The following CACNA2D3 variants were observed in gnomAD, a reference collection of about 807,000 sequenced individuals.
The protein encoded by CACNA2D3 is calcium voltage-gated channel auxiliary subunit alpha2delta 3.
In CACNA2D3, 60 loss-of-function variants were observed where a neutral mutation model predicts 160.6. That is an observed-to-expected ratio of 0.37 (90% CI 0.30 to 0.46). The LOEUF (loss-of-function observed/expected upper bound fraction) is 0.46. Among genes scored for constraint, CACNA2D3 ranks in the 20% least tolerant of loss-of-function variants. The pLI, the probability that CACNA2D3 is intolerant of heterozygous loss-of-function variation, is 1.00. For missense variants in CACNA2D3, 1,205 were observed against 1,365.0 expected (o/e 0.88, Z 1.85); for synonymous variants, 558 against 492.9 (o/e 1.13, Z -1.75).
intron 27 of CACNA2D3, chr3:54,918,544 G>A (rs1483439131): frequency 6.2e-7 from 1 of 1,613,792 alleles, no homozygotes; most frequent in African/African-American, 1.3e-5. Context: ...ATGGTACTGG[G>A]CTGTGATTGC....
chr3:54,935,864 C>T (rs566813487), intron 27 of CACNA2D3, among the ~76,000 whole-genome samples: 9 of 152,252 alleles, frequency 5.9e-5, no homozygotes, highest in African/African-American at 1.2e-4. Flanking sequence ...TGAAAATGCT[C>T]TGGAAAACAG....
chr3:54,332,498 C>T (rs1398118123), intron 3 of CACNA2D3, among the ~76,000 whole-genome samples: 1 of 152,170 alleles, frequency 6.6e-6, no homozygotes, highest in African/African-American at 2.4e-5. Context: ...TGTGTATTTA[C>T]TTATATGCCA....
intron 9 of CACNA2D3, among the ~76,000 whole-genome samples, chr3:54,600,724 C>T (rs954875734): frequency 2.6e-5 from 4 of 152,072 alleles, no homozygotes; most frequent in African/African-American, 9.7e-5. Context: ...GGCTTTTCTT[C>T]CTCCCCAGTT....
At chr3:54,753,594 T>G (rs1559569818) in intron 12 of CACNA2D3, among the ~76,000 whole-genome samples, 1 of 152,202 alleles carries the variant, frequency 6.6e-6, no homozygotes, top group African/African-American at 2.4e-5. Flanking sequence ...CAAATAAACT[T>G]TTATGTTAAG....
At chr3:54,352,823 C>G (rs986805808) in intron 3 of CACNA2D3, among the ~76,000 whole-genome samples, 3 of 152,154 alleles carry the variant, frequency 2.0e-5, no homozygotes, top group Non-Finnish European at 1.5e-5. Flanking sequence ...TTGATAAGTT[C>G]TGACCAATAA....
chr3:54,570,227 T>C (rs1360746897), intron 8 of CACNA2D3, 123 bp downstream of exon 8: 1 of 1,014,476 alleles, frequency 9.9e-7, no homozygotes, highest in Non-Finnish European at 1.5e-6. Flanking sequence ...GAGGCCTGGT[T>C]AGTCTCATGA....
chr3:54,498,540 T>A (rs1364474586), intron 4 of CACNA2D3, among the ~76,000 whole-genome samples: 2 of 152,144 alleles, frequency 1.3e-5, no homozygotes, highest in East Asian at 3.9e-4. Flanking sequence ...TTGGTATTAT[T>A]GATTTTTTCC....
intron 4 of CACNA2D3, among the ~76,000 whole-genome samples, chr3:54,429,781 G>A (rs1413763326): frequency 1.3e-5 from 2 of 152,136 alleles, no homozygotes; most frequent in African/African-American, 4.8e-5. Flanking sequence ...TGTTGGAATA[G>A]CATTCACTTG....
At chr3:55,011,729 T>G (rs1463257867) in intron 34 of CACNA2D3, among the ~76,000 whole-genome samples, 2 of 151,990 alleles carry the variant, frequency 1.3e-5, no homozygotes, top group African/African-American at 4.8e-5. Flanking sequence ...CACCAACATA[T>G]GAGTTAGGAA....
intron 27 of CACNA2D3, among the ~76,000 whole-genome samples, chr3:54,941,495 A>G (rs1287540370): frequency 6.6e-6 from 1 of 152,076 alleles, no homozygotes; most frequent in East Asian, 1.9e-4. Flanking sequence ...CCCTCCATTC[A>G]TTGTTCATCG....
intron 2 of CACNA2D3, among the ~76,000 whole-genome samples, chr3:54,135,698 G>T (rs1383840434): frequency 6.6e-6 from 1 of 152,210 alleles, no homozygotes; most frequent in Non-Finnish European, 1.5e-5. Flanking sequence ...TGTGCCCTGA[G>T]TGAGCAGGAT....
chr3:54,644,744 G>A (rs910235155), intron 11 of CACNA2D3, among the ~76,000 whole-genome samples: 9 of 152,230 alleles, frequency 5.9e-5, no homozygotes, highest in Non-Finnish European at 1.3e-4. Flanking sequence ...AACTTCTGAT[G>A]CAGTAGATCT....
At chr3:55,058,698 G>A (rs1185024080) in intron 35 of CACNA2D3, among the ~76,000 whole-genome samples, 1 of 151,816 alleles carries the variant, frequency 6.6e-6, no homozygotes, top group Non-Finnish European at 1.5e-5. Context: ...CCTATTCATT[G>A]CAGAAAATTG....
chr3:54,581,698 G>A (rs1359799376), intron 8 of CACNA2D3, 105 bp from the exon 9 acceptor site: 3 of 841,100 alleles, frequency 3.6e-6, no homozygotes, highest in Non-Finnish European at 5.9e-6. Context: ...AATGGAGCCT[G>A]TGATTGTGCC....
chr3:54,733,269 G>A (rs1482809722), intron 11 of CACNA2D3, among the ~76,000 whole-genome samples: 1 of 152,226 alleles, frequency 6.6e-6, no homozygotes, highest in African/African-American at 2.4e-5. Context: ...TAGCAGCTGA[G>A]TTACCCACGT....
intron 13 of CACNA2D3, among the ~76,000 whole-genome samples, chr3:54,775,828 T>G (rs1702415170): frequency 6.6e-6 from 1 of 152,222 alleles, no homozygotes; most frequent in African/African-American, 2.4e-5. Flanking sequence ...AGAAATTTAC[T>G]GGATGGCTCA....
intron 4 of CACNA2D3, among the ~76,000 whole-genome samples, chr3:54,403,356 A>AACACAC (rs55779518): frequency 0.021 from 2,898 of 137,624 alleles, 69 homozygotes; most frequent in African/African-American, 0.059. Context: ...CCCTATCTCA[A>AACACAC]ACACACACAC....
At chr3:54,832,617 A>G (rs1703905233) in intron 14 of CACNA2D3, among the ~76,000 whole-genome samples, 1 of 152,222 alleles carries the variant, frequency 6.6e-6, no homozygotes, top group African/African-American at 2.4e-5. Flanking sequence ...CCTGACAGAT[A>G]TTGATAAACA....
At chr3:54,569,707 A>G (rs1435928356) in intron 6 of CACNA2D3, 88 bp from the exon 7 acceptor site, 1 of 1,090,308 alleles carries the variant, frequency 9.2e-7, no homozygotes, top group Non-Finnish European at 1.4e-6. Flanking sequence ...CACCCTGTCC[A>G]TTCAATCAGC....
Sources: gnomAD v4.1 joint callset for allele counts (sites outside exome capture counted in the v4.1 genomes callset) on GRCh38, gnomAD v4.1.1 for gene constraint, MANE v1.5 for transcripts, NCBI Gene and HGNC (gene_info 2026-07-23, HGNC 2026-07-21) for gene names.